PPP2R5C: variants seen among roughly 807,000 people sequenced by gnomAD.
PPP2R5C encodes protein phosphatase 2 regulatory subunit B'gamma, also known as serine/threonine-protein phosphatase 2A 56 kDa regulatory subunit gamma isoform.
PPP2R5C carries 7 observed loss-of-function variants against 68.9 expected under a neutral mutation model. That is an observed-to-expected ratio of 0.10 (90% CI 0.06 to 0.19). PPP2R5C has a LOEUF of 0.19. Among genes scored for constraint, PPP2R5C ranks in the 10% least tolerant of loss-of-function variants. The probability of loss-of-function intolerance (pLI) is 1.00; values close to 1 mark genes in which losing one functional copy is unlikely to be tolerated. For missense variants in PPP2R5C, 348 were observed against 641.3 expected, an observed-to-expected ratio of 0.54 and a Z score of 4.94; for synonymous variants, 210 against 222.2, an observed-to-expected ratio of 0.95 and a Z score of 0.49.
At chr14:101,809,851 A>G (rs2039245291), upstream of PPP2R5C, 27 of 1,509,864 alleles carry the variant, frequency 1.8e-5, no homozygotes, top group Non-Finnish European at 2.4e-5. Context: ...CTCCAGCTGC[A>G]GAGAGCTTCA....
At position 101,835,956 on chromosome 14, in the gene PPP2R5C, A is replaced by G. The variant is rs2041066239; in HGVS notation, c.95-20730A>G. 6.6e-6 allele frequency among the ~76,000 whole-genome samples: 1 copy of G among 152,232 alleles called. No individual in the cohort carries two copies. The highest frequency in any genetic ancestry group is 1.5e-5 in the Non-Finnish European group (1 of 68,038). On this transcript the variant is annotated intron_variant, in intron 1 of 13. Coordinates refer to ENST00000334743, the Ensembl canonical transcript of PPP2R5C. This position sits in a 1 kb window ranked among gnomAD's most constrained non-coding sequence, Gnocchi z 5.0. The stretch of plus-strand genomic sequence containing the variant: ...TAGTGGGCTGGGAAAAGTTACAGTA[A>G]TATATTACCAGCATGTAGAAAATAC...
Position 101,845,419 on chromosome 14 carries a change from T to C in PPP2R5C, c.95-11267T>C, listed in dbSNP as rs115094961. 1.3e-3 allele frequency among the ~76,000 whole-genome samples: 197 copies of C among 152,302 alleles called. 2 individuals are homozygous for C. In the Middle Eastern group the frequency reaches 0.014, roughly 11 times the overall value. On this transcript the variant is annotated intron_variant, in intron 1 of 13. Coordinates refer to ENST00000334743, the Ensembl canonical transcript of PPP2R5C. ...AGCAGCCTCTCCTGGCCTTTGCCTA[T>C]TTCAGCCTGACTTCTCTCCATCCGG...
chr14:101,805,872 G>A (rs1164176561), upstream of PPP2R5C, among the ~76,000 whole-genome samples: 1 of 152,192 alleles, frequency 6.6e-6, no homozygotes, highest in Non-Finnish European at 1.5e-5. Context: ...GAGACTGAAA[G>A]TAGAGTGATG....
intron 2 of PPP2R5C, among the ~76,000 whole-genome samples, chr14:101,776,117 C>A (rs1227293530): frequency 1.3e-5 from 2 of 150,606 alleles, no homozygotes; most frequent in Non-Finnish European, 3.0e-5. Context: ...ACAGTGCTCG[C>A]TTGGAACCCT....
At chr14:101,898,603 T>C (rs1404709756) in intron 8 of PPP2R5C, among the ~76,000 whole-genome samples, 4 of 152,184 alleles carry the variant, frequency 2.6e-5, no homozygotes, top group Non-Finnish European at 5.9e-5. Context: ...GTTGGGTCCT[T>C]CCGGCGTAAA....
intron 1 of PPP2R5C, among the ~76,000 whole-genome samples, chr14:101,849,602 T>A (rs537115223): frequency 1.3e-5 from 2 of 152,358 alleles, no homozygotes; most frequent in South Asian, 4.1e-4. Flanking sequence ...ATTCAAATAG[T>A]TCTATCCTGT....
chr14:101,884,157 G>C (rs1055169045), intron 5 of PPP2R5C, among the ~76,000 whole-genome samples: 10 of 152,198 alleles, frequency 6.6e-5, no homozygotes, highest in Non-Finnish European at 1.5e-4. Context: ...CAATGTTCAA[G>C]GGCAGGAAGC....
intron 5 of PPP2R5C, among the ~76,000 whole-genome samples, chr14:101,887,498 A>G (rs1319818666): frequency 1.3e-5 from 2 of 152,128 alleles, no homozygotes; most frequent in Non-Finnish European, 2.9e-5. Context: ...CGTCTGCGCT[A>G]GGCTCATCCA....
intron 1 of PPP2R5C, among the ~76,000 whole-genome samples, chr14:101,814,920 T>A (rs2039569176): frequency 6.6e-6 from 1 of 152,166 alleles, no homozygotes; most frequent in Non-Finnish European, 1.5e-5. Flanking sequence ...ACAATCCTAG[T>A]ATTTCTCCTC....
chr14:101,762,642 C>G, intron 1 of PPP2R5C, among the ~76,000 whole-genome samples: 1 of 151,886 alleles, frequency 6.6e-6, no homozygotes, highest in Admixed American at 6.6e-5. Flanking sequence ...GCCAGAAGCA[C>G]TGTATAAAAT....
At chr14:101,819,405 C>T (rs1293421177) in intron 1 of PPP2R5C, 6 of 272,764 alleles carry the variant, frequency 2.2e-5, no homozygotes, top group South Asian at 6.7e-5. Context: ...CCTGGTGGTG[C>T]AAAGGCAATG....
intron 13 of PPP2R5C, among the ~76,000 whole-genome samples, chr14:101,918,441 TC>T (rs1175134142): frequency 5.0e-5 from 2 of 39,994 alleles, no homozygotes; most frequent in African/African-American, 1.1e-4. Context: ...CCCGTCCCCT[TC>T]CCCCCTCACC....
chr14:101,816,214 A>C (rs553198759), intron 1 of PPP2R5C, among the ~76,000 whole-genome samples: 1 of 152,234 alleles, frequency 6.6e-6, no homozygotes, highest in African/African-American at 2.4e-5. Context: ...AGAGCGACAC[A>C]GGTGCCCACT....
chr14:101,866,585 G>A (rs570258553), intron 2 of PPP2R5C, among the ~76,000 whole-genome samples: 7 of 151,724 alleles, frequency 4.6e-5, no homozygotes, highest in East Asian at 2.0e-4. Flanking sequence ...CAGGAGAATC[G>A]CTTAAACCCT....
At chr14:101,836,484 A>C in intron 1 of PPP2R5C, 1 of 645,218 alleles carries the variant, frequency 1.5e-6, no homozygotes, top group Admixed American at 2.2e-5. Flanking sequence ...TTGGAAACTT[A>C]TGTCTCATGC....
At position 101,915,140 on chromosome 14, in the gene PPP2R5C, G is replaced by A. The variant is rs1395384358; in HGVS notation, c.1326+2667G>A. On this transcript the variant is annotated intron_variant, in intron 12 of 13. Transcript: ENST00000334743. This position sits in a 1 kb window ranked among gnomAD's most constrained non-coding sequence, Gnocchi z 4.2. The stretch of plus-strand genomic sequence containing the variant: ...TACCCAGGCTGGAGTGCAGTGGCGT[G>A]ATCTCGGCTCACCACAACCTCCGCC... 6.6e-6 allele frequency among the ~76,000 whole-genome samples: 1 copy of A among 152,178 alleles called. No individual in the cohort carries two copies. The highest frequency in any genetic ancestry group is 1.5e-5 in the Non-Finnish European group (1 of 68,028).
In PPP2R5C at chr14:101,871,677, T is replaced by C. The variant is rs543866230; in HGVS notation, c.295-10484T>C. The stretch of plus-strand genomic sequence containing the variant: ...ATTTTTTTTCTATTTGTCCCACCTG[T>C]TTATCGTTTCTCTTCTTTGTCTGCA... On this transcript the variant is annotated intron_variant, in intron 2 of 13. Coordinates refer to ENST00000334743, the Ensembl canonical transcript of PPP2R5C. Among the ~76,000 whole-genome samples, 22 of 142,654 alleles carry C rather than the reference T, an allele frequency of 1.5e-4. No individual in the cohort carries two copies. The South Asian group carries it at 4.7e-3, about 30-fold the overall frequency. 93.6% of individuals were successfully genotyped at this position (142,654 alleles called of 152,430 possible).
At chr14:101,772,067 G>T (rs552502955) in intron 2 of PPP2R5C, among the ~76,000 whole-genome samples, 153 of 151,990 alleles carry the variant, frequency 1.0e-3, no homozygotes, top group Non-Finnish European at 1.7e-3. Context: ...AAGTTCTGCT[G>T]GACAGAGCTA....
chr14:101,859,542 A>G (rs2042634440), intron 2 of PPP2R5C, among the ~76,000 whole-genome samples: 1 of 152,160 alleles, frequency 6.6e-6, no homozygotes, highest in Admixed American at 6.5e-5. Flanking sequence ...AGAATAGGGG[A>G]TGGGGACAGA....
Sources: allele counts gnomAD v4.1 joint callset (sites outside exome capture counted in the v4.1 genomes callset), GRCh38; gene constraint gnomAD v4.1.1; non-coding constraint Gnocchi (gnomAD v3.1); transcripts MANE v1.5; gene names NCBI Gene and HGNC (gene_info 2026-07-23, HGNC 2026-07-21).